The following SPG21 variants were observed in gnomAD, a reference collection of about 807,000 sequenced individuals.
SPG21 encodes the protein maspardin.
SPG21 carries 26 observed loss-of-function variants against 38.9 expected under a neutral mutation model. The ratio of observed to expected loss-of-function variants is 0.67; its 90% CI spans 0.49 to 0.93. The LOEUF is 0.93. SPG21 is among the 40% of genes least tolerant of loss of function. The pLI is 0.00. For synonymous variants in SPG21, 136 were observed against 128.9 expected (o/e 1.05, Z -0.37); for missense variants, 333 against 376.5 (o/e 0.88, Z 0.96).
At chr15:64,979,169 CACA>C (rs1334380045) in intron 3 of SPG21, among the ~76,000 whole-genome samples, 2 of 152,174 alleles carry the variant, frequency 1.3e-5, no homozygotes, top group African/African-American at 2.4e-5. Context: ...AGGGAAAGCG[CACA>C]ACAAGAACCT....
chr15:64,970,240 C>T lies in SPG21; in HGVS notation c.453-18G>A, dbSNP rs2085635642. On this transcript the variant is annotated intron_variant, in intron 5 of 8. Transcript: ENST00000204566. The stretch of plus-strand genomic sequence containing the variant: ...GCCAAAAGCTGTAAAACACAAAGAC[C>T]TTATAATTTAAACTTCCAAGACTAC... The T allele has an allele frequency of 1.9e-6, 3 of 1,590,380 alleles. No homozygotes were observed. Among genetic ancestry groups the T allele is most frequent in the Non-Finnish European group, 1.7e-6 (2 of 1,159,018 alleles).
At chr15:64,984,347 G>T (rs1365586178) in intron 1 of SPG21, among the ~76,000 whole-genome samples, 2 of 151,450 alleles carry the variant, frequency 1.3e-5, no homozygotes, top group Non-Finnish European at 3.0e-5. Flanking sequence ...GAAAGGAGTT[G>T]ATGTTTTTTT....
At position 64,976,538 on chromosome 15, in the gene SPG21, A is replaced by G. The variant is rs373904630; in HGVS notation, c.243T>C (p.Tyr81=). Residue 81 remains tyrosine, a synonymous_variant, in exon 4 of 9, where the codon TAT becomes TAC. Coordinates refer to ENST00000204566, the MANE Select transcript of SPG21 (RefSeq NM_016630.7). ...YRVIALQYPV[Y]WDHLEFCDGF... ...CATCACAGAACTCGAGATGGTCCCA[A>G]TAAACTGGATACTGCAACTGAAATA... is the stretch of plus-strand genomic sequence containing the variant. 7.8e-5 allele frequency: 126 copies of G among 1,611,434 alleles called. No individual in the cohort carries two copies. The highest frequency in any genetic ancestry group is 1.1e-4 in the Non-Finnish European group (124 of 1,177,966).
chr15:64,975,628 T>C (rs189031005), intron 4 of SPG21, among the ~76,000 whole-genome samples: 22 of 152,060 alleles, frequency 1.4e-4, no homozygotes, highest in Non-Finnish European at 2.9e-4. Flanking sequence ...CTAAGAGAAC[T>C]GAAAACATAT....
chr15:64,988,432 T>C (rs2086042698), intron 1 of SPG21, among the ~76,000 whole-genome samples: 1 of 152,212 alleles, frequency 6.6e-6, no homozygotes. Context: ...TGCTTATAAA[T>C]ACTAGCCATA....
At chr15:64,987,634 GGA>G (rs2086021628) in intron 1 of SPG21, among the ~76,000 whole-genome samples, 1 of 152,208 alleles carries the variant, frequency 6.6e-6, no homozygotes, top group Non-Finnish European at 1.5e-5. Flanking sequence ...CATGCTGGTG[GGA>G]AAAGAGCCAC....
At chr15:64,968,043 A>G (rs2085578163) in intron 7 of SPG21, among the ~76,000 whole-genome samples, 1 of 152,160 alleles carries the variant, frequency 6.6e-6, no homozygotes, top group Non-Finnish European at 1.5e-5. Flanking sequence ...TTATTGGTAG[A>G]TATTATTCAG....
rs566278586 is a variant in SPG21 at position 64,974,733 on chromosome 15, G to T, written c.321C>A (p.Gly107=). The T allele has an allele frequency of 2.5e-6, 4 of 1,614,038 alleles. No individual in the cohort carries two copies. The highest frequency in any genetic ancestry group is 1.3e-5 in the African/African-American group (1 of 74,986). The change falls in exon 5 of 9, where the codon GGC becomes GGA. Residue 107 remains glycine (G), a synonymous_variant. Transcript: ENST00000204566. ...GGGCCAAAAAGCCTCCCAAAGAAGC[G>T]CCAAAAAGATGAACCTAATTATAAA... The part of the protein sequence containing the change: ...HLQLDKVHLF[G]ASLGGFLAQK...
chr15:64,976,164 C>G (rs545641731), intron 4 of SPG21, among the ~76,000 whole-genome samples: 1 of 152,338 alleles, frequency 6.6e-6, no homozygotes, highest in East Asian at 1.9e-4. Flanking sequence ...GTGGCTCACG[C>G]CTGTAATCCC....
chr15:64,980,837 G>C, intron 3 of SPG21, 27 bp downstream of exon 3: 1 of 1,612,784 alleles, frequency 6.2e-7, no homozygotes, highest in Non-Finnish European at 8.5e-7. Flanking sequence ...CAAAACGTGG[G>C]TCTGAATTTT....
chr15:64,969,623 C>T (rs1044248458), intron 6 of SPG21, among the ~76,000 whole-genome samples: 1 of 151,982 alleles, frequency 6.6e-6, no homozygotes, highest in Admixed American at 6.5e-5. Flanking sequence ...CTGCCTACTC[C>T]AGCCAGGTGC....
chr15:64,969,686 TG>T (rs112027973), intron 6 of SPG21, among the ~76,000 whole-genome samples: 22 of 36,866 alleles, frequency 6.0e-4, no homozygotes, highest in South Asian at 8.0e-4. Context: ...TATATGTTTT[TG>T]TTTTTTTTTT....
At chr15:64,986,588 C>T (rs995538204) in intron 1 of SPG21, among the ~76,000 whole-genome samples, 1 of 148,846 alleles carries the variant, frequency 6.7e-6, no homozygotes, top group African/African-American at 2.5e-5. Context: ...ACTCGGGAGG[C>T]GAGGCAGGAG....
At chr15:64,969,693 T>TG (rs1166719694) in intron 6 of SPG21, among the ~76,000 whole-genome samples, 11 of 73,028 alleles carry the variant, frequency 1.5e-4, no homozygotes, top group Non-Finnish European at 4.1e-4. Context: ...TTTTGTTTTT[T>TG]TTTTTTTTTT....
chr15:64,987,952 T>C (rs1193160277), intron 1 of SPG21, among the ~76,000 whole-genome samples: 1 of 152,194 alleles, frequency 6.6e-6, no homozygotes, highest in African/African-American at 2.4e-5. Flanking sequence ...AAGAATCACT[T>C]GAACCCGGGA....
At chr15:64,966,670 C>T (rs1423684933) in intron 7 of SPG21, among the ~76,000 whole-genome samples, 1 of 152,100 alleles carries the variant, frequency 6.6e-6, no homozygotes, top group Non-Finnish European at 1.5e-5. Context: ...GAGGCTGAGG[C>T]GGGCAGATCA....
chr15:64,969,305 A>C lies in SPG21; in HGVS notation c.619T>G (p.Ser207Ala). 6.2e-7 allele frequency: 1 copy of C among 1,614,178 alleles called. No individual in the cohort carries two copies. The highest frequency in any genetic ancestry group is 1.1e-5 in the South Asian group (1 of 91,084). Reference sequence around the variant, plus strand: ...CGAATTTTATGAGGTTCCACATAAGAATTTTGACAATTCAAGGTAAGTCTT... The same window carrying C: ...CGAATTTTATGAGGTTCCACATAAGCATTTTGACAATTCAAGGTAAGTCTT... ...ASRLTLNCQNSYVEPHKIRDI... is the reference protein window; with the variant it reads ...ASRLTLNCQNAYVEPHKIRDI... Residue 207 changes from serine to alanine, a missense_variant, in exon 7 of 9, where the codon TCT becomes GCT. Coordinates refer to ENST00000204566, the MANE Select transcript of SPG21 (RefSeq NM_016630.7).
In SPG21 at chr15:64,970,215, G is replaced by C. The variant is rs1487709415; in HGVS notation, c.460C>G (p.Leu154Val). The C allele has an allele frequency of 6.2e-7, 1 of 1,613,538 alleles. No homozygotes were observed. The highest frequency in any genetic ancestry group is 8.5e-7 in the Non-Finnish European group (1 of 1,179,684). Residue 154 changes from leucine (L) to valine (V), a missense_variant, in exon 6 of 9, where the codon CTG becomes GTG. By Grantham distance (32) the Leu-to-Val change is conservative. Transcript: ENST00000204566. ...NQTWTANSFW[L>V]MPAFMLKKIV... ...TTTTTGAGCATAAATGCAGGCATCA[G>C]CCAAAAGCTGTAAAACACAAAGACC...
rs2085487206 is a variant in SPG21 at position 64,963,502 on chromosome 15, C to A, written c.*118G>T. The A allele has an allele frequency of 8.9e-6, 7 of 782,652 alleles. No homozygotes were observed. Among genetic ancestry groups the A allele is most frequent in the Non-Finnish European group, 1.6e-5 (7 of 445,990 alleles). The allele number at this position is 782,652 out of a possible 1,614,324, so 48.5% of individuals were successfully genotyped here. On this transcript the variant is annotated 3_prime_UTR_variant, in exon 9 of 9. Coordinates refer to ENST00000204566, the MANE Select transcript of SPG21 (RefSeq NM_016630.7). The stretch of plus-strand genomic sequence containing the variant: ...ATGACCATCAGTCCTACTTCCCAGA[C>A]ACAGTGAGAACCGGTGAGCCTGACG...
Sources: gnomAD v4.1 joint callset for allele counts (sites outside exome capture counted in the v4.1 genomes callset) on GRCh38, gnomAD v4.1.1 for gene constraint, MANE v1.5 for transcripts, NCBI Gene and HGNC (gene_info 2026-07-23, HGNC 2026-07-21) for gene names.